The following CCDC178 variants were observed in gnomAD, a reference collection of about 807,000 sequenced individuals.
CCDC178 encodes coiled-coil domain-containing protein 178.
A neutral mutation model predicts 117.4 loss-of-function variants in CCDC178; 126 were observed. The ratio of observed to expected loss-of-function variants is 1.07; its 90% CI spans 0.93 to 1.24. The LOEUF (loss-of-function observed/expected upper bound fraction) is 1.24. CCDC178 is among the 50% of genes most tolerant of loss of function. CCDC178 has a pLI of 0.00. For synonymous variants in CCDC178, 283 were observed against 313.4 expected, an observed-to-expected ratio of 0.90 and a Z score of 1.02; for missense variants, 1,030 against 986.9, an observed-to-expected ratio of 1.04 and a Z score of -0.59.
rs571479218 is a variant in CCDC178 at position 33,169,058 on chromosome 18, G to A, written c.2238+42838C>T. 3.9e-5 allele frequency among the ~76,000 whole-genome samples: 6 copies of A among 152,104 alleles called. No individual in the cohort carries two copies. In the South Asian group the frequency reaches 6.2e-4, roughly 16 times the overall value. Reference sequence around the variant, plus strand: ...ACAGGCAGTGGCCATTGCCCAATACGTTGAAGCATTTCAATTGTCACTGAA... The same window carrying A: ...ACAGGCAGTGGCCATTGCCCAATACATTGAAGCATTTCAATTGTCACTGAA... On this transcript the variant is annotated intron_variant, in intron 20 of 22. Transcript: ENST00000383096.
intron 19 of CCDC178, among the ~76,000 whole-genome samples, chr18:33,213,924 G>A (rs756909678): frequency 5.9e-5 from 9 of 152,046 alleles, no homozygotes; most frequent in African/African-American, 9.7e-5. Flanking sequence ...CCATTTCTTA[G>A]TCCTTATTGG....
chr18:33,390,501 G>A (rs1290878069), intron 4 of CCDC178, among the ~76,000 whole-genome samples: 3 of 152,092 alleles, frequency 2.0e-5, no homozygotes, highest in Admixed American at 6.5e-5. Flanking sequence ...ATGTGGACCA[G>A]TGAAACGAAT....
chr18:33,028,050 G>C (rs774758992), intron 21 of CCDC178, among the ~76,000 whole-genome samples: 6 of 151,566 alleles, frequency 4.0e-5, no homozygotes, highest in Non-Finnish European at 5.9e-5. Context: ...CAAAGTTTGA[G>C]AATCAATGTT....
At chr18:33,014,464 T>C (rs1840686042) in intron 21 of CCDC178, among the ~76,000 whole-genome samples, 1 of 152,196 alleles carries the variant, frequency 6.6e-6, no homozygotes, top group Admixed American at 6.5e-5. Flanking sequence ...AAAGGGTCTT[T>C]GAAAATCTCT....
chr18:33,188,892 G>A (rs1203852838), intron 20 of CCDC178, among the ~76,000 whole-genome samples: 1 of 152,138 alleles, frequency 6.6e-6, no homozygotes, highest in Non-Finnish European at 1.5e-5. Flanking sequence ...CAAGTATTAA[G>A]GGATAGAAAT....
intron 3 of CCDC178, among the ~76,000 whole-genome samples, chr18:33,403,979 A>G (rs1437564243): frequency 6.6e-6 from 1 of 152,184 alleles, no homozygotes; most frequent in Non-Finnish European, 1.5e-5. Flanking sequence ...AAAAATTGCC[A>G]TTTTGAAATA....
intron 20 of CCDC178, among the ~76,000 whole-genome samples, chr18:33,114,004 G>T (rs927172537): frequency 6.6e-6 from 1 of 151,968 alleles, no homozygotes; most frequent in African/African-American, 2.4e-5. Flanking sequence ...ATGCTATTTG[G>T]TAGTTTACAC....
At chr18:33,253,320 T>C (rs2059638231) in intron 14 of CCDC178, among the ~76,000 whole-genome samples, 1 of 151,782 alleles carries the variant, frequency 6.6e-6, no homozygotes, top group Non-Finnish European at 1.5e-5. Flanking sequence ...TTGCAGTAAT[T>C]ACGTAATTTA....
chr18:33,207,489 A>T (rs2059057911), intron 20 of CCDC178, among the ~76,000 whole-genome samples: 1 of 151,324 alleles, frequency 6.6e-6, no homozygotes, highest in African/African-American at 2.4e-5. Context: ...CAAAAGTGAT[A>T]ATATGATTTT....
At chr18:33,094,805 A>G (rs946757941) in intron 20 of CCDC178, among the ~76,000 whole-genome samples, 3 of 152,024 alleles carry the variant, frequency 2.0e-5, no homozygotes, top group African/African-American at 7.2e-5. Context: ...ATGCCAGTAA[A>G]TCTTCAAAAC....
chr18:33,114,161 T>G (rs1010968679), intron 20 of CCDC178, among the ~76,000 whole-genome samples: 1 of 152,032 alleles, frequency 6.6e-6, no homozygotes, highest in Non-Finnish European at 1.5e-5. Flanking sequence ...AATGAAGAGG[T>G]TGGTTTACTT....
At position 33,245,323 on chromosome 18, in the gene CCDC178, A is replaced by G. The variant is rs1403012275; in HGVS notation, c.1515T>C (p.Ile505=). Residue 505 remains isoleucine (I), a synonymous_variant, in exon 15 of 23, where the codon ATT becomes ATC. Coordinates refer to ENST00000383096, the MANE Select transcript of CCDC178 (RefSeq NM_001105528.4). ...GTTTGGTTAGGTGGAAAAGAGTACC[A>G]ATGCGATAAGCCTCCTTATAGATGT... The part of the protein sequence containing the change: ...LKNIYKEAYR[I]GTLFHLTKHK... 6.2e-7 allele frequency: 1 copy of G among 1,609,604 alleles called. No homozygotes were observed. The highest frequency in any genetic ancestry group is 2.2e-5 in the East Asian group (1 of 44,676).
chr18:33,188,677 A>G (rs921948050), intron 20 of CCDC178, among the ~76,000 whole-genome samples: 17 of 152,178 alleles, frequency 1.1e-4, no homozygotes, highest in Admixed American at 5.2e-4. Context: ...CAGGAACTGA[A>G]TTCAGCCAAC....
intron 3 of CCDC178, among the ~76,000 whole-genome samples, chr18:33,406,636 A>G (rs1174410908): frequency 6.6e-6 from 1 of 152,142 alleles, no homozygotes; most frequent in Admixed American, 6.5e-5. Context: ...ATAATCCATA[A>G]GGATGATCTT....
chr18:33,388,686 A>AT (rs1385255466), intron 5 of CCDC178, among the ~76,000 whole-genome samples: 1 of 149,554 alleles, frequency 6.7e-6, no homozygotes, highest in African/African-American at 2.5e-5. Context: ...CGCCCGGCTA[A>AT]TTTTTTGTAT....
At chr18:33,205,975 T>C (rs2059040930) in intron 20 of CCDC178, among the ~76,000 whole-genome samples, 1 of 152,232 alleles carries the variant, frequency 6.6e-6, no homozygotes, top group Non-Finnish European at 1.5e-5. Context: ...ATTGCAGGCA[T>C]GCCTCACAGT....
At chr18:32,982,934 C>G (rs190431886) in intron 21 of CCDC178, among the ~76,000 whole-genome samples, 1 of 152,074 alleles carries the variant, frequency 6.6e-6, no homozygotes, top group Non-Finnish European at 1.5e-5. Flanking sequence ...TGTACAACAC[C>G]AAGAGTGAAC....
chr18:33,313,706 C>T (rs2062373935), intron 11 of CCDC178, among the ~76,000 whole-genome samples: 1 of 152,104 alleles, frequency 6.6e-6, no homozygotes, highest in African/African-American at 2.4e-5. Context: ...GCCCCACTTG[C>T]TATGTTAATA....
intron 21 of CCDC178, among the ~76,000 whole-genome samples, chr18:33,037,117 G>A (rs1016972581): frequency 6.6e-6 from 1 of 151,790 alleles, no homozygotes; most frequent in Non-Finnish European, 1.5e-5. Flanking sequence ...TATAAGCATC[G>A]ACTACTAGAG....
Sources: allele counts gnomAD v4.1 joint callset (sites outside exome capture counted in the v4.1 genomes callset), GRCh38; gene constraint gnomAD v4.1.1; transcripts MANE v1.5; gene names NCBI Gene and HGNC (gene_info 2026-07-23, HGNC 2026-07-21).